Variants in FGF14 observed in about 807,000 individuals in gnomAD.
The protein encoded by FGF14 is fibroblast growth factor 14.
FGF14 carries 5 observed loss-of-function variants against 25.5 expected under a neutral mutation model. That is an observed-to-expected ratio of 0.20 (90% confidence interval 0.10 to 0.41). The LOEUF (loss-of-function observed/expected upper bound fraction) is 0.41, where lower values mean the gene tolerates loss of function less well. Among genes scored for constraint, FGF14 ranks in the 10% least tolerant of loss-of-function variants. The pLI is 1.00. For synonymous variants in FGF14, 138 were observed against 118.3 expected (o/e 1.17, Z -1.08); for missense variants, 222 against 320.1 (o/e 0.69, Z 2.34).
intron 1 of FGF14, among the ~76,000 whole-genome samples, chr13:101,986,937 T>C (rs998051144): frequency 8.8e-6 from 1 of 113,310 alleles, no homozygotes; most frequent in Non-Finnish European, 1.7e-5. Context: ...TGTATGTGCA[T>C]GCACACACAC....
In FGF14 at chr13:102,071,190, T is replaced by C. The variant is rs2043139897; in HGVS notation, c.209-195894A>G. The stretch of plus-strand genomic sequence containing the variant: ...GTTATCTGCTACCCTTAGAAGCAAG[T>C]GTGTGCACATCGTGGGTGGAAAAGT... On this transcript the variant is annotated intron_variant, in intron 1 of 4. Transcript: ENST00000376131. Among the ~76,000 whole-genome samples the C allele has an allele frequency of 3.9e-5, 6 of 152,224 alleles. No individual in the cohort carries two copies. The South Asian group carries it at 1.2e-3, about 32-fold the overall frequency.
chr13:102,113,316 CCCTTT>C (rs2140330445), intron 1 of FGF14, among the ~76,000 whole-genome samples: 1 of 152,304 alleles, frequency 6.6e-6, no homozygotes, highest in African/African-American at 2.4e-5. Flanking sequence ...CTCTCTTCAT[CCCTTT>C]CTTTTTCTCT....
At chr13:102,175,803 A>G (rs1408440874) in intron 1 of FGF14, among the ~76,000 whole-genome samples, 1 of 152,200 alleles carries the variant, frequency 6.6e-6, no homozygotes, top group African/African-American at 2.4e-5. Context: ...AGTGTCCAAC[A>G]AACATGAAAA....
chr13:102,070,651 A>G (rs1486257198), intron 1 of FGF14, among the ~76,000 whole-genome samples: 1 of 152,200 alleles, frequency 6.6e-6, no homozygotes, highest in African/African-American at 2.4e-5. Context: ...CATCAGATGA[A>G]TGAAGAAAAT....
chr13:101,928,316 C>G (rs561289242), intron 1 of FGF14, among the ~76,000 whole-genome samples: 1 of 152,088 alleles, frequency 6.6e-6, no homozygotes, highest in East Asian at 1.9e-4. Flanking sequence ...AATCGAGGAC[C>G]ATTTTTTATT....
chr13:102,124,607 T>C (rs1202249657), intron 1 of FGF14, among the ~76,000 whole-genome samples: 1 of 152,144 alleles, frequency 6.6e-6, no homozygotes, highest in Admixed American at 6.6e-5. Flanking sequence ...TCTGGAAATG[T>C]ACTGTACAGG....
At chr13:102,084,903 C>G (rs943783884) in intron 1 of FGF14, among the ~76,000 whole-genome samples, 1 of 152,148 alleles carries the variant, frequency 6.6e-6, no homozygotes, top group African/African-American at 2.4e-5. Context: ...TCCCCAAACC[C>G]TTATTAATAC....
chr13:102,227,059 G>T (rs187431630), intron 1 of FGF14, among the ~76,000 whole-genome samples: 18 of 151,904 alleles, frequency 1.2e-4, no homozygotes, highest in Admixed American at 7.2e-4. Flanking sequence ...TTTCAAACAT[G>T]ACTGCCTGTC....
intron 1 of FGF14, among the ~76,000 whole-genome samples, chr13:102,213,132 C>A (rs2050227096): frequency 6.6e-6 from 1 of 152,190 alleles, no homozygotes; most frequent in African/African-American, 2.4e-5. Context: ...CTGCAGCCAA[C>A]ATTTACCCCG....
At chr13:102,285,106 A>G (rs1041025963) in intron 1 of FGF14, among the ~76,000 whole-genome samples, 3 of 152,226 alleles carry the variant, frequency 2.0e-5, no homozygotes, top group Non-Finnish European at 4.4e-5. Context: ...TGCAGCCACA[A>G]GAACACATCT....
chr13:102,161,566 G>GTCATAGTACCCC (rs1566763596), intron 1 of FGF14, among the ~76,000 whole-genome samples: 39 of 2,250 alleles, frequency 0.017, 13 homozygotes, highest in East Asian at 0.25. Context: ...AACTTTCTGT[G>GTCATAGTACCCC]AAGAAAGAAA....
chr13:101,889,724 C>A (rs983267082), intron 1 of FGF14, among the ~76,000 whole-genome samples: 1 of 152,170 alleles, frequency 6.6e-6, no homozygotes, highest in Non-Finnish European at 1.5e-5. Context: ...CTGAAACCTA[C>A]CCCATGCAAT....
intron 1 of FGF14, among the ~76,000 whole-genome samples, chr13:102,273,192 C>G (rs1231243812): frequency 9.2e-5 from 14 of 152,134 alleles, no homozygotes; most frequent in Admixed American, 9.2e-4. Flanking sequence ...GTGGTTCAAG[C>G]CCGTGCTGAG....
At chr13:102,161,691 G>GTACCCC (rs758139057) in intron 1 of FGF14, among the ~76,000 whole-genome samples, 8,146 of 115,728 alleles carry the variant, frequency 0.07, 531 homozygotes, top group Middle Eastern at 0.19. Flanking sequence ...AGAAGAAGAA[G>GTACCCC]AAGAAGAAGA....
At chr13:101,745,579 T>C (rs2036833715) in intron 3 of FGF14, among the ~76,000 whole-genome samples, 1 of 152,108 alleles carries the variant, frequency 6.6e-6, no homozygotes, top group Admixed American at 6.6e-5. Context: ...TTTTGCCTTT[T>C]CCAGAATGTC....
chr13:101,816,920 G>A lies in FGF14; in HGVS notation c.408+51805C>T, dbSNP rs1356506843. On this transcript the variant is annotated intron_variant, in intron 3 of 4. Coordinates refer to ENST00000376143, the MANE Select transcript of FGF14 (RefSeq NM_004115.4). ...TTAAGCATACTTGTTACTTTGCTAA[G>A]CCCAAGTTTAAAAAATTCAATTTTG... Among the ~76,000 whole-genome samples, 4 of 152,084 alleles carry A rather than the reference G, an allele frequency of 2.6e-5. No individual in the cohort carries two copies. In the South Asian group the frequency reaches 8.3e-4, roughly 32 times the overall value.
At chr13:101,762,025 T>C (rs1318489557) in intron 3 of FGF14, among the ~76,000 whole-genome samples, 4 of 152,104 alleles carry the variant, frequency 2.6e-5, no homozygotes, top group African/African-American at 7.2e-5. Context: ...GCAGTATAGG[T>C]TGATGATCTG....
chr13:102,002,049 T>C (rs1229375357), intron 1 of FGF14: 1 of 152,072 alleles, frequency 6.6e-6, no homozygotes, highest in Admixed American at 6.5e-5. Context: ...CAGGAGGCTA[T>C]AAAATATAAA....
In FGF14 at chr13:101,959,822, T is replaced by C. The variant is rs11838671; in HGVS notation, c.209-84526A>G. ...AGCTCCATGAGAATTCCAGTCATGC[T>C]TCATCCATCCTCTCCTTTCTGTGGT... On this transcript the variant is annotated intron_variant, in intron 1 of 4. Transcript: ENST00000376131. Among the ~76,000 whole-genome samples, 315 of 152,354 alleles carry C rather than the reference T, an allele frequency of 2.1e-3. 1 individual carries two copies. Among genetic ancestry groups the C allele is most frequent in the African/African-American group, 7.4e-3 (309 of 41,588 alleles).
Sources: gnomAD v4.1 joint callset for allele counts (sites outside exome capture counted in the v4.1 genomes callset) on GRCh38, gnomAD v4.1.1 for gene constraint, MANE v1.5 for transcripts, NCBI Gene and HGNC (gene_info 2026-07-23, HGNC 2026-07-21) for gene names.